Variants in PTPN3 observed in about 807,000 individuals in gnomAD.
The protein encoded by PTPN3 is tyrosine-protein phosphatase non-receptor type 3.
A neutral mutation model predicts 132.7 loss-of-function variants in PTPN3; 96 were observed. The observed-to-expected ratio is 0.72, with a 90% CI of 0.61 to 0.86. The LOEUF is 0.86. Ranked by LOEUF, PTPN3 falls within the 40% of genes least tolerant of loss-of-function variation. PTPN3 has a pLI of 0.00. For synonymous variants in PTPN3, 398 were observed against 429.0 expected, an observed-to-expected ratio of 0.93 and a Z score of 0.89; for missense variants, 1,125 against 1,159.6, an observed-to-expected ratio of 0.97 and a Z score of 0.43.
At chr9:109,436,297 G>A (rs1301339802) in intron 9 of PTPN3, among the ~76,000 whole-genome samples, 2 of 152,184 alleles carry the variant, frequency 1.3e-5, no homozygotes, top group African/African-American at 4.8e-5. Context: ...CTGAGTATCA[G>A]TTTCTCCATC....
At chr9:109,524,826 C>T in the PTPN3 span, among the ~76,000 whole-genome samples, 6 of 152,180 alleles carry the variant, frequency 3.9e-5, no homozygotes, top group Non-Finnish European at 7.4e-5. Context: ...CAACCTTTGC[C>T]TCCCTGATTC....
intron 19 of PTPN3, among the ~76,000 whole-genome samples, chr9:109,397,969 G>A (rs892368450): frequency 3.3e-5 from 5 of 152,180 alleles, no homozygotes; most frequent in Non-Finnish European, 7.3e-5. Flanking sequence ...TTGGAAAACC[G>A]TTTTTAAAAA....
intron 17 of PTPN3, among the ~76,000 whole-genome samples, chr9:109,407,507 C>T (rs1041733415): frequency 3.3e-5 from 5 of 151,938 alleles, no homozygotes; most frequent in African/African-American, 7.3e-5. Flanking sequence ...AAAAATTAAA[C>T]GAAAAAATTA....
chr9:109,471,150 G>A (rs1846360866), intron 1 of PTPN3, among the ~76,000 whole-genome samples: 1 of 151,198 alleles, frequency 6.6e-6, no homozygotes, highest in African/African-American at 2.4e-5. Flanking sequence ...TCCGTCTCCT[G>A]GGCTGAAGCA....
At chr9:109,421,564 C>A (rs748676961) in intron 13 of PTPN3, among the ~76,000 whole-genome samples, 71 of 152,356 alleles carry the variant, frequency 4.7e-4, no homozygotes, top group Non-Finnish European at 7.5e-4. Flanking sequence ...CCCCGCTGTT[C>A]CCCTGGATCC....
At chr9:109,501,429 T>C (rs1345759833), upstream of PTPN3, among the ~76,000 whole-genome samples, 2 of 152,204 alleles carry the variant, frequency 1.3e-5, no homozygotes, top group Middle Eastern at 3.2e-3. Flanking sequence ...TCTAATTTTG[T>C]AGGGTTTTTT....
intron 22 of PTPN3, among the ~76,000 whole-genome samples, chr9:109,388,753 GAGA>G (rs1386479787): frequency 6.6e-6 from 1 of 152,216 alleles, no homozygotes; most frequent in Non-Finnish European, 1.5e-5. Flanking sequence ...TTTCTCTGAG[GAGA>G]AGAATGACCT....
chr9:109,386,882 C>A (rs963563007), intron 22 of PTPN3, among the ~76,000 whole-genome samples: 1 of 152,122 alleles, frequency 6.6e-6, no homozygotes, highest in East Asian at 1.9e-4. Context: ...AGCCTCTAGG[C>A]CAGGAAGCCA....
At chr9:109,429,750 A>G (rs1160389923) in intron 10 of PTPN3, among the ~76,000 whole-genome samples, 1 of 152,192 alleles carries the variant, frequency 6.6e-6, no homozygotes, top group Admixed American at 6.5e-5. Flanking sequence ...CAATCCCCCA[A>G]GTACACCAAG....
chr9:109,435,062 A>C (rs1843939002), intron 9 of PTPN3, among the ~76,000 whole-genome samples: 1 of 152,232 alleles, frequency 6.6e-6, no homozygotes, highest in African/African-American at 2.4e-5. Context: ...ATGATACTTG[A>C]GATCACAACA....
the PTPN3 span, among the ~76,000 whole-genome samples, chr9:109,529,177 T>C: frequency 6.6e-6 from 1 of 152,204 alleles, no homozygotes; most frequent in Non-Finnish European, 1.5e-5. Flanking sequence ...TGCTGCTCTC[T>C]GTCTCTCATG....
intron 14 of PTPN3, among the ~76,000 whole-genome samples, chr9:109,416,830 G>A (rs7866508): frequency 0.038 from 5,809 of 152,208 alleles, 148 homozygotes; most frequent in East Asian, 0.15. Flanking sequence ...GGCAAACAGC[G>A]AAGAAGTTAT....
chr9:109,495,466 T>G (rs1847631189), intron 1 of PTPN3, among the ~76,000 whole-genome samples: 2 of 152,162 alleles, frequency 1.3e-5, no homozygotes, highest in Admixed American at 1.3e-4. Flanking sequence ...CTAGAAAATG[T>G]CTCTTGTGTG....
chr9:109,403,820 A>T (rs1310348249), intron 19 of PTPN3, among the ~76,000 whole-genome samples: 1 of 152,248 alleles, frequency 6.6e-6, no homozygotes, highest in Non-Finnish European at 1.5e-5. Context: ...TGTTTTATAA[A>T]AAATGTCTGT....
At chr9:109,452,064 T>C (rs1455860896) in intron 5 of PTPN3, among the ~76,000 whole-genome samples, 2 of 151,822 alleles carry the variant, frequency 1.3e-5, no homozygotes, top group Non-Finnish European at 2.9e-5. Flanking sequence ...GGTCAAGAGA[T>C]CGAGACCATC....
chr9:109,457,901 C>A (rs1053926359), intron 2 of PTPN3, among the ~76,000 whole-genome samples: 1 of 152,240 alleles, frequency 6.6e-6, no homozygotes, highest in African/African-American at 2.4e-5. Flanking sequence ...ATTCAAAATA[C>A]CCTCAGAGTG....
At chr9:109,529,641 T>A in the PTPN3 span, among the ~76,000 whole-genome samples, 1 of 152,206 alleles carries the variant, frequency 6.6e-6, no homozygotes, top group African/African-American at 2.4e-5. Context: ...AATTAAAACT[T>A]TTTTTAATTG....
chr9:109,409,974 C>T (rs765404656), intron 16 of PTPN3, 25 bp downstream of exon 16: 1 of 1,611,322 alleles, frequency 6.2e-7, no homozygotes, highest in African/African-American at 1.3e-5. Context: ...CAGCACAAAA[C>T]TTCCTTTATA....
At chr9:109,395,682 G>A (rs566489315) in intron 19 of PTPN3, among the ~76,000 whole-genome samples, 4 of 152,180 alleles carry the variant, frequency 2.6e-5, no homozygotes, top group South Asian at 2.1e-4. Context: ...AGCTACTTGG[G>A]AGGCTGAGGT....
Sources: allele counts gnomAD v4.1 joint callset (sites outside exome capture counted in the v4.1 genomes callset), GRCh38; gene constraint gnomAD v4.1.1; transcripts MANE v1.5; gene names NCBI Gene and HGNC (gene_info 2026-07-23, HGNC 2026-07-21).